The following CNTNAP2 variants were observed in gnomAD, a reference collection of about 807,000 sequenced individuals.
CNTNAP2 encodes the protein contactin-associated protein-like 2.
A neutral mutation model predicts 155.2 loss-of-function variants in CNTNAP2; 98 were observed. The observed-to-expected ratio is 0.63, with a 90% CI of 0.54 to 0.75. The LOEUF (loss-of-function observed/expected upper bound fraction) is 0.75. Ranked by LOEUF, CNTNAP2 falls within the 30% of genes least tolerant of loss-of-function variation. The pLI is 0.00. For synonymous variants in CNTNAP2, 651 were observed against 631.2 expected, an observed-to-expected ratio of 1.03 and a Z score of -0.47; for missense variants, 1,727 against 1,688.1, an observed-to-expected ratio of 1.02 and a Z score of -0.40.
At chr7:148,029,229 C>A (rs117407147) in intron 15 of CNTNAP2, among the ~76,000 whole-genome samples, 2 of 152,248 alleles carry the variant, frequency 1.3e-5, no homozygotes, top group Non-Finnish European at 2.9e-5. Context: ...AACAAACACA[C>A]GCACAACTCC....
At chr7:147,937,206 C>G (rs932528060) in intron 14 of CNTNAP2, among the ~76,000 whole-genome samples, 2 of 152,144 alleles carry the variant, frequency 1.3e-5, no homozygotes. Flanking sequence ...CCAGATTGGT[C>G]AGTTTGTGAA....
At chr7:147,171,817 C>T (rs1802232798) in intron 8 of CNTNAP2, among the ~76,000 whole-genome samples, 1 of 150,390 alleles carries the variant, frequency 6.6e-6, no homozygotes, top group Admixed American at 6.6e-5. Context: ...GAAACTGAGT[C>T]AGGCATTTTT....
rs1054987135 is a variant in CNTNAP2 at position 147,680,772 on chromosome 7, C to T, written c.2098+41466C>T. On this transcript the variant is annotated intron_variant, in intron 13 of 23. Transcript: ENST00000361727. ...GCTCTCTCTCTCTCTGTCTCCCTCT[C>T]TATATATAATTTATTATACAATACA... Among the ~76,000 whole-genome samples the T allele has an allele frequency of 2.0e-5, 3 of 151,584 alleles. No homozygotes were observed. The Admixed American group carries it at 2.0e-4, about 10-fold the overall frequency.
chr7:146,395,834 A>T (rs929966462), intron 1 of CNTNAP2, among the ~76,000 whole-genome samples: 7 of 114,342 alleles, frequency 6.1e-5, no homozygotes, highest in African/African-American at 2.4e-4. Flanking sequence ...GAGGAGAGAG[A>T]GAGAGAGAGA....
chr7:146,361,964 A>G (rs116372085), intron 1 of CNTNAP2, among the ~76,000 whole-genome samples: 4,572 of 152,272 alleles, frequency 0.03, 125 homozygotes, highest in African/African-American at 0.069. Flanking sequence ...AAACACCACA[A>G]ATAGTATTCA....
intron 21 of CNTNAP2, among the ~76,000 whole-genome samples, chr7:148,355,169 T>TTTTTTTTC (rs1798490948): frequency 1.2e-5 from 1 of 85,102 alleles, no homozygotes; most frequent in Admixed American, 1.4e-4. Flanking sequence ...CCAGCTGCTT[T>TTTTTTTTC]TTTTTTTTTT....
At chr7:148,244,517 AG>A (rs1278778300) in intron 20 of CNTNAP2, among the ~76,000 whole-genome samples, 1 of 149,242 alleles carries the variant, frequency 6.7e-6, no homozygotes, top group African/African-American at 2.5e-5. Flanking sequence ...AGGATTTGTT[AG>A]GGTTTTTGAT....
intron 13 of CNTNAP2, among the ~76,000 whole-genome samples, chr7:147,882,457 G>T: frequency 6.6e-6 from 1 of 152,210 alleles, no homozygotes; most frequent in East Asian, 1.9e-4. Context: ...GTGAGGTGGT[G>T]CTCAGCCCCC....
intron 3 of CNTNAP2, among the ~76,000 whole-genome samples, chr7:147,042,757 T>G (rs1799284112): frequency 6.6e-6 from 1 of 152,126 alleles, no homozygotes; most frequent in Non-Finnish European, 1.5e-5. Flanking sequence ...TTTTTAAAAT[T>G]TCTATTTGTA....
chr7:148,126,631 T>C (rs1804721805), intron 16 of CNTNAP2, among the ~76,000 whole-genome samples: 1 of 152,146 alleles, frequency 6.6e-6, no homozygotes, highest in South Asian at 2.1e-4. Context: ...TAGTGTTGGT[T>C]GGTCACCTAT....
Position 146,462,164 on chromosome 7 carries a change from A to G in CNTNAP2, c.98-312107A>G, listed in dbSNP as rs747805958. Among the ~76,000 whole-genome samples the G allele has an allele frequency of 1.2e-4, 19 of 152,304 alleles. No individual in the cohort carries two copies. The South Asian group carries it at 1.9e-3, about 15-fold the overall frequency. ...GTTTGGAGCCAAAAAGAATAATACC[A>G]CATGTCACTACCTGGAGTAATTAAT... On this transcript the variant is annotated intron_variant, in intron 1 of 23. Transcript: ENST00000361727.
At chr7:146,823,184 G>T (rs1241623050) in intron 2 of CNTNAP2, among the ~76,000 whole-genome samples, 2 of 127,522 alleles carry the variant, frequency 1.6e-5, no homozygotes, top group Non-Finnish European at 1.7e-5. Context: ...TATTTACATG[G>T]AAATATACTC....
At chr7:146,515,639 G>A (rs1797530283) in intron 1 of CNTNAP2, among the ~76,000 whole-genome samples, 1 of 151,966 alleles carries the variant, frequency 6.6e-6, no homozygotes. Context: ...AGAATATTGA[G>A]GAACAAAGAC....
At chr7:146,467,324 T>G (rs1584938832) in intron 1 of CNTNAP2, among the ~76,000 whole-genome samples, 3 of 152,028 alleles carry the variant, frequency 2.0e-5, no homozygotes, top group African/African-American at 7.2e-5. Context: ...GTCGTTGACA[T>G]GACTGATTTC....
chr7:147,046,811 C>A (rs180902276), intron 4 of CNTNAP2, among the ~76,000 whole-genome samples: 1 of 151,934 alleles, frequency 6.6e-6, no homozygotes, highest in Non-Finnish European at 1.5e-5. Flanking sequence ...GGGCGGATCA[C>A]GAGGTCAGGA....
intron 1 of CNTNAP2, among the ~76,000 whole-genome samples, chr7:146,475,214 CTG>C (rs1345211232): frequency 6.6e-6 from 1 of 152,084 alleles, no homozygotes; most frequent in Non-Finnish European, 1.5e-5. Context: ...TGTTTTCTAG[CTG>C]TTCTTAGCTT....
chr7:147,469,352 C>A (rs1798172635), intron 10 of CNTNAP2, among the ~76,000 whole-genome samples: 1 of 151,860 alleles, frequency 6.6e-6, no homozygotes, highest in Admixed American at 6.6e-5. Flanking sequence ...ATCTGAAAAC[C>A]CCTAATTGAA....
At chr7:146,411,700 C>G (rs905245214) in intron 1 of CNTNAP2, among the ~76,000 whole-genome samples, 1 of 150,652 alleles carries the variant, frequency 6.6e-6, no homozygotes, top group Admixed American at 6.6e-5. Context: ...TTAGAAGTTA[C>G]AAATTGCCAC....
chr7:147,043,106 T>C (rs1799289711), intron 3 of CNTNAP2, among the ~76,000 whole-genome samples: 1 of 152,130 alleles, frequency 6.6e-6, no homozygotes, highest in Non-Finnish European at 1.5e-5. Flanking sequence ...TTTCATTAGA[T>C]GGTAATTTTT....
Sources: allele counts gnomAD v4.1 joint callset (sites outside exome capture counted in the v4.1 genomes callset), GRCh38; gene constraint gnomAD v4.1.1; transcripts MANE v1.5; gene names NCBI Gene and HGNC (gene_info 2026-07-23, HGNC 2026-07-21).